Variants in KDM5A observed in about 807,000 individuals in gnomAD.
KDM5A encodes the protein lysine-specific demethylase 5A.
In KDM5A, 42 loss-of-function variants were observed where a neutral mutation model predicts 193.5. The observed-to-expected ratio is 0.22, with a 90% confidence interval of 0.17 to 0.28. The LOEUF (loss-of-function observed/expected upper bound fraction) is 0.28. Ranked by LOEUF, KDM5A falls within the 10% of genes least tolerant of loss-of-function variation. The probability of loss-of-function intolerance (pLI) is 1.00; values close to 1 mark genes in which losing one functional copy is unlikely to be tolerated. For missense variants in KDM5A, 1,692 were observed against 2,055.1 expected, an observed-to-expected ratio of 0.82 and a Z score of 3.42; for synonymous variants, 796 against 718.1, an observed-to-expected ratio of 1.11 and a Z score of -1.73.
chr12:338,400 CTT>C (rs1943960185), intron 10 of KDM5A, among the ~76,000 whole-genome samples: 1 of 152,322 alleles, frequency 6.6e-6, no homozygotes, highest in Admixed American at 6.5e-5. Flanking sequence ...GCACTAAACA[CTT>C]TACACGTGTT....
At chr12:366,816 G>C (rs1944362186) in intron 3 of KDM5A, among the ~76,000 whole-genome samples, 1 of 152,142 alleles carries the variant, frequency 6.6e-6, no homozygotes, top group South Asian at 2.1e-4. Flanking sequence ...ACATCTCTTA[G>C]GCTCTAAAAT....
intron 27 of KDM5A, among the ~76,000 whole-genome samples, chr12:291,924 CAG>C (rs1222123301): frequency 7.7e-6 from 1 of 129,736 alleles, no homozygotes; most frequent in African/African-American, 2.9e-5. Context: ...TTTTTTGAGA[CAG>C]AGTTTTGCTC....
chr12:309,582 G>A (rs548175211), intron 22 of KDM5A, among the ~76,000 whole-genome samples: 29 of 152,262 alleles, frequency 1.9e-4, no homozygotes, highest in African/African-American at 6.7e-4. Context: ...CAACAATAAA[G>A]AACAGAGGTA....
rs1184509875 is a variant in KDM5A at position 317,582 on chromosome 12, G to A, written c.2897+524C>T. Among the ~76,000 whole-genome samples the A allele has an allele frequency of 2.0e-5, 3 of 152,250 alleles. No homozygotes were observed. The South Asian group carries it at 6.2e-4, about 32-fold the overall frequency. On this transcript the variant is annotated intron_variant, in intron 19 of 27. Coordinates refer to ENST00000399788, the MANE Select transcript of KDM5A (RefSeq NM_001042603.3). ...ACAATAGTTTGCACATATTTGAAAC[G>A]GTCTACATGTAGCCCCATTTGATAA...
intron 20 of KDM5A, among the ~76,000 whole-genome samples, chr12:312,389 A>G (rs1943598969): frequency 6.6e-6 from 1 of 152,132 alleles, no homozygotes; most frequent in South Asian, 2.1e-4. Context: ...GTGCTCAGTA[A>G]ATGTTAATTT....
chr12:318,602 C>T (rs940376454), intron 18 of KDM5A, 141 bp from the exon 19 acceptor site: 15 of 640,970 alleles, frequency 2.3e-5, no homozygotes, highest in Non-Finnish European at 3.8e-5. Context: ...TCAGATATGA[C>T]AGTTAAATTA....
At chr12:306,608 T>C (rs915041984) in intron 24 of KDM5A, among the ~76,000 whole-genome samples, 1 of 151,710 alleles carries the variant, frequency 6.6e-6, no homozygotes, top group Non-Finnish European at 1.5e-5. Context: ...CCAGGCAGAG[T>C]GGCATGCACC....
chr12:344,963 T>C (rs1053079208), intron 10 of KDM5A, among the ~76,000 whole-genome samples: 5 of 151,966 alleles, frequency 3.3e-5, no homozygotes, highest in Non-Finnish European at 7.4e-5. Flanking sequence ...TTAAAAGACA[T>C]AGACTGGCAA....
intron 24 of KDM5A, 66 bp downstream of exon 24, chr12:306,880 C>CAT (rs749034227): frequency 1.5e-6 from 2 of 1,293,958 alleles, no homozygotes; most frequent in East Asian, 4.8e-5. Context: ...TGTTCAATAG[C>CAT]TTTTTTTTTT....
At chr12:352,822 G>A (rs1016991260) in intron 8 of KDM5A, among the ~76,000 whole-genome samples, 4 of 152,192 alleles carry the variant, frequency 2.6e-5, no homozygotes, top group African/African-American at 9.7e-5. Context: ...GAGTAGAACT[G>A]CCTCTGAATC....
rs536919582 is a variant in KDM5A, at chr12:322,707, A to C, written c.2276-140T>G. 2.4e-4 allele frequency: 174 copies of C among 733,656 alleles called. 1 individual carries two copies. In the African/African-American group the frequency reaches 2.9e-3, roughly 12 times the overall value. 45.4% of individuals were successfully genotyped at this position (733,656 alleles called of 1,614,324 possible). ...AATTAGTAGAAACAAACAGCTGTGA[A>C]AATCTCACCAACACAATAAAAGCTA... On this transcript the variant is annotated intron_variant, in intron 16 of 27. Coordinates refer to ENST00000399788, the MANE Select transcript of KDM5A (RefSeq NM_001042603.3).
Position 323,786 on chromosome 12 carries a change from A to T in KDM5A, c.1969-5T>A. ...TTCTTCTGACATCAGGACACCCTGA[A>T]ATATAATTTATTTCACTAGATCAAG... is the stretch of plus-strand genomic sequence containing the variant. On this transcript the variant is annotated splice_polypyrimidine_tract_variant and splice_region_variant and intron_variant, in intron 14 of 27. Coordinates refer to ENST00000399788, the MANE Select transcript of KDM5A (RefSeq NM_001042603.3). 6.2e-7 allele frequency: 1 copy of T among 1,611,214 alleles called. No individual in the cohort carries two copies. The highest frequency in any genetic ancestry group is 8.5e-7 in the Non-Finnish European group (1 of 1,177,352).
chr12:356,557 C>G lies in KDM5A; in HGVS notation c.673-20G>C, dbSNP rs1176727353. ...TTCTGACTAAAAAATAAGCAAAATT[C>G]ACATTAGCATAATCATGCTGATTCA... is the stretch of plus-strand genomic sequence containing the variant. On this transcript the variant is annotated intron_variant, in intron 5 of 27. Coordinates refer to ENST00000399788, the MANE Select transcript of KDM5A (RefSeq NM_001042603.3). The G allele has an allele frequency of 1.4e-6, 2 of 1,467,882 alleles. No individual in the cohort carries two copies. Among genetic ancestry groups the G allele is most frequent in the Non-Finnish European group, 1.9e-6 (2 of 1,047,196 alleles). 90.9% of individuals were successfully genotyped at this position (1,467,882 alleles called of 1,614,324 possible).
intron 3 of KDM5A, among the ~76,000 whole-genome samples, chr12:383,307 C>T (rs988640285): frequency 4.6e-5 from 7 of 151,888 alleles, no homozygotes; most frequent in Non-Finnish European, 7.4e-5. Context: ...CTTGACTTTC[C>T]GGACTCATGT....
intron 1 of KDM5A, among the ~76,000 whole-genome samples, chr12:387,524 A>T (rs538038253): frequency 2.0e-5 from 3 of 152,224 alleles, no homozygotes; most frequent in Non-Finnish European, 4.4e-5. Flanking sequence ...GGAGGATGGC[A>T]ATGCGTATCA....
chr12:381,289 C>T (rs1003277979), intron 3 of KDM5A, among the ~76,000 whole-genome samples: 4 of 151,358 alleles, frequency 2.6e-5, no homozygotes, highest in Non-Finnish European at 5.9e-5. Context: ...CCACCGTGCC[C>T]GGCTGAGACA....
intron 10 of KDM5A, among the ~76,000 whole-genome samples, chr12:348,963 A>G (rs529791215): frequency 1.0e-3 from 158 of 151,894 alleles, no homozygotes; most frequent in African/African-American, 3.7e-3. Context: ...TATAGGGGGA[A>G]AAAACACGCA....
chr12:337,500 C>T (rs535385597), intron 10 of KDM5A, among the ~76,000 whole-genome samples: 9 of 152,174 alleles, frequency 5.9e-5, no homozygotes, highest in African/African-American at 2.2e-4. Flanking sequence ...TACGCAAAAA[C>T]ACAGGAAATA....
intron 19 of KDM5A, among the ~76,000 whole-genome samples, chr12:317,577 G>C (rs1943664494): frequency 6.6e-6 from 1 of 152,198 alleles, no homozygotes; most frequent in African/African-American, 2.4e-5. Flanking sequence ...GCACATATTT[G>C]AAACGGTCTA....
Sources: allele counts gnomAD v4.1 joint callset (sites outside exome capture counted in the v4.1 genomes callset), GRCh38; gene constraint gnomAD v4.1.1; transcripts MANE v1.5; gene names NCBI Gene and HGNC (gene_info 2026-07-23, HGNC 2026-07-21).